The following SPDYA variants were observed in gnomAD, a reference collection of about 807,000 sequenced individuals.
SPDYA encodes the protein speedy/RINGO cell cycle regulator family member A.
SPDYA carries 11 observed loss-of-function variants against 36.7 expected under a neutral mutation model. The ratio of observed to expected loss-of-function variants is 0.30; its 90% CI spans 0.19 to 0.50. SPDYA has a LOEUF of 0.50. SPDYA is among the 20% of genes least tolerant of loss of function. SPDYA has a pLI of 0.98. For missense variants in SPDYA, 287 were observed against 370.9 expected (o/e 0.77, Z 1.86); for synonymous variants, 115 against 118.7 (o/e 0.97, Z 0.20).
Position 28,840,382 on chromosome 2 carries a change from G to A in SPDYA, c.763G>A (p.Val255Met), listed in dbSNP as rs781313092. Residue 255 changes from valine to methionine, a missense_variant, in exon 7 of 8, where the codon GTG (valine) becomes ATG (methionine). Transcript: ENST00000334056. Reference protein sequence around the residue: ...SSSLSSHTAGVTEKHSQDSYN... With the variant: ...SSSLSSHTAGMTEKHSQDSYN... ...ATCTTTATCCAGTCATACAGCAGGGGTGACAGAAAAACATTCTCAGGACTC... is the reference window on the plus strand; with the variant it reads ...ATCTTTATCCAGTCATACAGCAGGGATGACAGAAAAACATTCTCAGGACTC... The A allele has an allele frequency of 1.5e-5, 24 of 1,612,130 alleles. No individual in the cohort carries two copies. Among genetic ancestry groups the A allele is most frequent in the Non-Finnish European group, 2.0e-5 (24 of 1,179,412 alleles).
chr2:28,821,541 G>C (rs183905369), intron 4 of SPDYA, among the ~76,000 whole-genome samples: 1 of 152,254 alleles, frequency 6.6e-6, no homozygotes, highest in African/African-American at 2.4e-5. Context: ...CAGTAAAGTT[G>C]TTGTGCAGAA....
In SPDYA at chr2:28,850,101, T is replaced by C. The variant is rs967886632; in HGVS notation, c.*160T>C. 2.4e-5 allele frequency: 30 copies of C among 1,238,118 alleles called. No homozygotes were observed. Among genetic ancestry groups the C allele is most frequent in the Non-Finnish European group, 3.0e-5 (26 of 864,036 alleles). The allele number at this position is 1,238,118 out of a possible 1,614,324, so 76.7% of individuals were successfully genotyped here. ...GTATAAGTTATATAAGTCATAGTAA[T>C]AGCTAAAAATGCCAATCTATGGAAG... On this transcript the variant is annotated 3_prime_UTR_variant, in exon 8 of 8. Coordinates refer to ENST00000334056, the MANE Select transcript of SPDYA (RefSeq NM_182756.4).
intron 6 of SPDYA, among the ~76,000 whole-genome samples, chr2:28,839,564 C>A (rs892511550): frequency 2.0e-5 from 3 of 152,122 alleles, no homozygotes; most frequent in South Asian, 2.1e-4. Context: ...TGCAGTGACG[C>A]GATCTCGGCT....
chr2:28,816,292 A>G lies in SPDYA; in HGVS notation c.235+43A>G. 8 of 1,354,072 alleles carry G rather than the reference A, an allele frequency of 5.9e-6. No individual in the cohort carries two copies. In the South Asian group the frequency reaches 9.8e-5, roughly 17 times the overall value. 83.9% of individuals were successfully genotyped at this position (1,354,072 alleles called of 1,614,324 possible). A position where few individuals can be genotyped will look rare whatever the true frequency, so the allele number is the denominator to read the frequency against. ...TAATAGTGGTAATTATAAAGTACTA[A>G]AAACCTAGAATGTAAACATCTAAAT... On this transcript the variant is annotated intron_variant, in intron 3 of 7. Transcript: ENST00000334056.
intron 4 of SPDYA, among the ~76,000 whole-genome samples, chr2:28,820,359 G>A (rs891165264): frequency 1.3e-5 from 2 of 152,004 alleles, no homozygotes; most frequent in African/African-American, 4.8e-5. Flanking sequence ...GCTGAGGCGG[G>A]CAGATCACCT....
intron 1 of SPDYA, among the ~76,000 whole-genome samples, chr2:28,813,024 T>G (rs778594701): frequency 3.9e-5 from 6 of 152,188 alleles, no homozygotes; most frequent in Non-Finnish European, 5.9e-5. Context: ...ATTCTCTTAG[T>G]ATATCTAAGT....
chr2:28,818,578 C>T (rs1668053235), intron 3 of SPDYA, among the ~76,000 whole-genome samples: 1 of 151,864 alleles, frequency 6.6e-6, no homozygotes, highest in South Asian at 2.1e-4. Flanking sequence ...ATTTTACCTA[C>T]TTTCTAGATG....
At chr2:28,843,609 A>G (rs1181947868) in intron 7 of SPDYA, among the ~76,000 whole-genome samples, 2 of 149,686 alleles carry the variant, frequency 1.3e-5, no homozygotes, top group Non-Finnish European at 3.0e-5. Flanking sequence ...TTTTTTTTTT[A>G]GATGAAGCAT....
At chr2:28,829,943 CA>C (rs1295866091) in intron 6 of SPDYA, among the ~76,000 whole-genome samples, 2 of 20,086 alleles carry the variant, frequency 1.0e-4, no homozygotes, top group Admixed American at 8.5e-4. Flanking sequence ...GACTCCATCT[CA>C]AAAAAAAAAA....
intron 1 of SPDYA, among the ~76,000 whole-genome samples, chr2:28,813,908 C>G (rs181335591): frequency 5.5e-4 from 83 of 152,258 alleles, no homozygotes; most frequent in African/African-American, 1.9e-3. Flanking sequence ...GATGAGGCCT[C>G]CAGCTGTCTC....
intron 3 of SPDYA, among the ~76,000 whole-genome samples, chr2:28,818,440 TAAAA>T (rs372056967): frequency 6.4e-5 from 7 of 109,996 alleles, no homozygotes; most frequent in Admixed American, 1.0e-4. Context: ...CCTGTCTCTT[TAAAA>T]AAAAAAAAAA....
chr2:28,817,200 A>G (rs993956491), intron 3 of SPDYA, among the ~76,000 whole-genome samples: 3 of 152,220 alleles, frequency 2.0e-5, no homozygotes, highest in Admixed American at 2.0e-4. Flanking sequence ...AAACTTTTTT[A>G]GTACCCAAAA....
intron 7 of SPDYA, among the ~76,000 whole-genome samples, chr2:28,847,079 A>C (rs1471545982): frequency 1.3e-5 from 2 of 152,240 alleles, no homozygotes; most frequent in African/African-American, 4.8e-5. Flanking sequence ...GCAGTGGCTC[A>C]TTCCTGTAAT....
At chr2:28,828,524 C>T (rs1668390681) in intron 5 of SPDYA, among the ~76,000 whole-genome samples, 1 of 152,138 alleles carries the variant, frequency 6.6e-6, no homozygotes. Context: ...GTGTCCTTAT[C>T]TTTTATGTCA....
chr2:28,847,572 C>G (rs1233777192), intron 7 of SPDYA, among the ~76,000 whole-genome samples: 1 of 151,468 alleles, frequency 6.6e-6, no homozygotes, highest in Non-Finnish European at 1.5e-5. Flanking sequence ...ATGGTGAAAC[C>G]CTGTCTCTTA....
chr2:28,823,538 C>A (rs187112265), intron 5 of SPDYA, among the ~76,000 whole-genome samples: 1 of 147,974 alleles, frequency 6.8e-6, no homozygotes, highest in Non-Finnish European at 1.5e-5. Context: ...GCAGGAGAAT[C>A]GCTTGAACCC....
chr2:28,814,920 G>T (rs924062683), intron 2 of SPDYA, among the ~76,000 whole-genome samples: 9 of 152,092 alleles, frequency 5.9e-5, no homozygotes, highest in African/African-American at 2.2e-4. Context: ...ATTAGATTAT[G>T]ACAACATACA....
chr2:28,838,714 G>A (rs763534309), intron 6 of SPDYA, among the ~76,000 whole-genome samples: 2 of 152,096 alleles, frequency 1.3e-5, no homozygotes, highest in African/African-American at 2.4e-5. Context: ...GCTCACGCCT[G>A]TAATCCCAGA....
At position 28,850,358 on chromosome 2, in the gene SPDYA, T is replaced by C; in HGVS notation, c.*417T>C. On this transcript the variant is annotated 3_prime_UTR_variant, in exon 8 of 8. Coordinates refer to ENST00000334056, the MANE Select transcript of SPDYA (RefSeq NM_182756.4). The stretch of plus-strand genomic sequence containing the variant: ...TGACCAGGTTGCCAGTGTACTGGTC[T>C]AGCAACATAGGGAAATGATCCATAT... The C allele has an allele frequency of 6.2e-7, 1 of 1,610,934 alleles. No individual in the cohort carries two copies. Among genetic ancestry groups the C allele is most frequent in the African/African-American group, 1.3e-5 (1 of 74,996 alleles).
Sources: gnomAD v4.1 joint callset for allele counts (sites outside exome capture counted in the v4.1 genomes callset) on GRCh38, gnomAD v4.1.1 for gene constraint, MANE v1.5 for transcripts, NCBI Gene and HGNC (gene_info 2026-07-23, HGNC 2026-07-21) for gene names.